Variants in ARID5B observed in about 807,000 individuals in gnomAD.
The protein encoded by ARID5B is AT-rich interactive domain-containing protein 5B.
In ARID5B, 13 loss-of-function variants were observed where a neutral mutation model predicts 97.2. The ratio of observed to expected loss-of-function variants is 0.13; its 90% CI spans 0.09 to 0.21. The LOEUF is 0.21. Among genes scored for constraint, ARID5B ranks in the 10% least tolerant of loss-of-function variants. The pLI is 1.00. For missense variants in ARID5B, 1,210 were observed against 1,465.3 expected, an observed-to-expected ratio of 0.83 and a Z score of 2.84; for synonymous variants, 556 against 570.3, an observed-to-expected ratio of 0.97 and a Z score of 0.36.
chr10:62,026,154 A>C (rs1226736641), intron 4 of ARID5B, among the ~76,000 whole-genome samples: 1 of 152,234 alleles, frequency 6.6e-6, no homozygotes, highest in Non-Finnish European at 1.5e-5. Context: ...ACTTATACCC[A>C]AGCCTTGTTG....
In ARID5B at chr10:62,037,394, A is replaced by G. The variant is rs544690583; in HGVS notation, c.734-13494A>G. On this transcript the variant is annotated intron_variant, in intron 4 of 9. Coordinates refer to ENST00000279873, the MANE Select transcript of ARID5B (RefSeq NM_032199.3). ...AATTCTAAATTTAATTCCAGCCTCT[A>G]TGAACATCTTAGTCCCATATTTCCT... 5.3e-5 allele frequency among the ~76,000 whole-genome samples: 8 copies of G among 152,326 alleles called. No homozygotes were observed. The South Asian group carries it at 1.7e-3, about 32-fold the overall frequency.
chr10:61,951,027 T>C (rs1838318348), intron 3 of ARID5B, among the ~76,000 whole-genome samples: 1 of 152,372 alleles, frequency 6.6e-6, no homozygotes, highest in African/African-American at 2.4e-5. Context: ...TTGTTTAATC[T>C]GTTAGAGTAC....
chr10:62,092,050 A>G lies in ARID5B; in HGVS notation c.2587A>G (p.Arg863Gly), dbSNP rs1840385217. ...TSKYPSRDMY[R>G]ESENSSFPSH... ...CAAATACCCTTCCAGGGACATGTAC[A>G]GGGAATCGGAAAACAGTTCTTTTCC... is the stretch of plus-strand genomic sequence containing the variant. Residue 863 changes from arginine (R) to glycine (G), a missense_variant, in exon 10 of 10, where the codon AGG becomes GGG. Transcript: ENST00000279873. The G allele has an allele frequency of 1.2e-6, 2 of 1,614,154 alleles. No individual in the cohort carries two copies. The highest frequency in any genetic ancestry group is 1.7e-6 in the Non-Finnish European group (2 of 1,180,016).
chr10:62,087,320 G>GAAAAAAA (rs1589292422), intron 9 of ARID5B, among the ~76,000 whole-genome samples: 13 of 75,992 alleles, frequency 1.7e-4, no homozygotes, highest in East Asian at 9.8e-4. Flanking sequence ...AAAAAAAAAG[G>GAAAAAAA]AAAAAAGATC....
At chr10:62,025,640 A>G (rs1189402100) in intron 4 of ARID5B, among the ~76,000 whole-genome samples, 1 of 152,190 alleles carries the variant, frequency 6.6e-6, no homozygotes, top group Non-Finnish European at 1.5e-5. Flanking sequence ...AAAGAGGTGT[A>G]ATTAGAAAAA....
At chr10:62,052,938 G>A (rs1298584617) in intron 5 of ARID5B, among the ~76,000 whole-genome samples, 1 of 152,218 alleles carries the variant, frequency 6.6e-6, no homozygotes, top group Non-Finnish European at 1.5e-5. Context: ...TTACAGTCAT[G>A]CCTTGGCTGC....
chr10:62,062,971 TTTA>T (rs1839941413), intron 7 of ARID5B, among the ~76,000 whole-genome samples: 2 of 152,112 alleles, frequency 1.3e-5, no homozygotes, highest in African/African-American at 2.4e-5. Context: ...CTGAAAGAGA[TTTA>T]TAAATGATTA....
intron 3 of ARID5B, among the ~76,000 whole-genome samples, chr10:61,960,017 C>G (rs1235911630): frequency 6.6e-6 from 1 of 152,196 alleles, no homozygotes; most frequent in Non-Finnish European, 1.5e-5. Flanking sequence ...TTTAAGAACA[C>G]AGAACCATTA....
At chr10:62,021,054 A>ATATATATATATATG (rs1839350750) in intron 4 of ARID5B, among the ~76,000 whole-genome samples, 1 of 133,034 alleles carries the variant, frequency 7.5e-6, no homozygotes, top group Non-Finnish European at 1.5e-5. Flanking sequence ...ATATATATAT[A>ATATATATATATATG]TATATATATA....
At chr10:62,028,724 G>T (rs1839454481) in intron 4 of ARID5B, among the ~76,000 whole-genome samples, 1 of 152,194 alleles carries the variant, frequency 6.6e-6, no homozygotes, top group African/African-American at 2.4e-5. Context: ...ACTTTGGGAG[G>T]ACGAGGCGGA....
At position 62,035,739 on chromosome 10, in the gene ARID5B, G is replaced by A. The variant is rs960959290; in HGVS notation, c.734-15149G>A. ...TGTGAGCCACCACGACCAACCCAAA[G>A]CATACTTTGTACAGGTATTGACAAG... On this transcript the variant is annotated intron_variant, in intron 4 of 9. Transcript: ENST00000279873. 3.9e-5 allele frequency among the ~76,000 whole-genome samples: 6 copies of A among 151,928 alleles called. No homozygotes were observed. The East Asian group carries it at 9.7e-4, about 25-fold the overall frequency.
rs150555366 is a variant in ARID5B, at chr10:62,014,729, C to T, written c.733+14408C>T. ...CCGGTTTTTGCACTTTTTTGGATCTCAGGTCCCTTTGAGAATCAGATGAAA... is the reference window on the plus strand; with the variant it reads ...CCGGTTTTTGCACTTTTTTGGATCTTAGGTCCCTTTGAGAATCAGATGAAA... On this transcript the variant is annotated intron_variant, in intron 4 of 9. Coordinates refer to ENST00000279873, the MANE Select transcript of ARID5B (RefSeq NM_032199.3). Among the ~76,000 whole-genome samples, 947 of 152,220 alleles carry T rather than the reference C, an allele frequency of 6.2e-3. 7 individuals are homozygous for T. The highest frequency in any genetic ancestry group is 0.01 in the Non-Finnish European group (682 of 67,998).
At chr10:62,015,887 T>C (rs1839278450) in intron 4 of ARID5B, among the ~76,000 whole-genome samples, 1 of 152,160 alleles carries the variant, frequency 6.6e-6, no homozygotes, top group South Asian at 2.1e-4. Context: ...CCTCCCAAAG[T>C]GCTGGGATTA....
At chr10:61,962,958 G>A (rs185766568) in intron 3 of ARID5B, among the ~76,000 whole-genome samples, 1 of 152,272 alleles carries the variant, frequency 6.6e-6, no homozygotes, top group Admixed American at 6.5e-5. Flanking sequence ...AGAAACTTAA[G>A]AAATATTTAG....
In ARID5B at chr10:61,963,864, T is replaced by C. The variant is rs1003096741; in HGVS notation, c.502+23456T>C. Reference sequence around the variant, plus strand: ...GGGAAGAAATGACCTGTGCCCCCAGTGTACCTACAGCCTTGGCATCATTAG... The same window carrying C: ...GGGAAGAAATGACCTGTGCCCCCAGCGTACCTACAGCCTTGGCATCATTAG... On this transcript the variant is annotated intron_variant, in intron 3 of 9. Transcript: ENST00000279873. Among the ~76,000 whole-genome samples, 11 of 152,106 alleles carry C rather than the reference T, an allele frequency of 7.2e-5. No individual in the cohort carries two copies. The East Asian group carries it at 9.7e-4, about 13-fold the overall frequency.
chr10:62,015,780 T>C (rs1424402303), intron 4 of ARID5B, among the ~76,000 whole-genome samples: 3 of 152,072 alleles, frequency 2.0e-5, no homozygotes, highest in African/African-American at 7.2e-5. Flanking sequence ...CCCACCACCA[T>C]ACCCAGCTAA....
chr10:61,906,192 G>C (rs1843704657), intron 2 of ARID5B, among the ~76,000 whole-genome samples: 1 of 151,920 alleles, frequency 6.6e-6, no homozygotes, highest in Non-Finnish European at 1.5e-5. Flanking sequence ...AGTGACCTTT[G>C]TTCTAGATAT....
chr10:61,947,261 C>CTTTTTTTTTTTTTTTTTTTTTTTTT (rs199587188), intron 3 of ARID5B, among the ~76,000 whole-genome samples: 4 of 124,266 alleles, frequency 3.2e-5, no homozygotes, highest in Non-Finnish European at 6.7e-5. Context: ...CACTTACTTT[C>CTTTTTTTTTTTTTTTTTTTTTTTTT]TTTTTTTTTT....
intron 5 of ARID5B, among the ~76,000 whole-genome samples, chr10:62,053,775 G>A (rs1326202466): frequency 6.6e-6 from 1 of 152,218 alleles, no homozygotes; most frequent in Admixed American, 6.5e-5. Flanking sequence ...GTGGTGGGAA[G>A]TGTGTTCATT....
Sources: gnomAD v4.1 joint callset for allele counts (sites outside exome capture counted in the v4.1 genomes callset) on GRCh38, gnomAD v4.1.1 for gene constraint, MANE v1.5 for transcripts, NCBI Gene and HGNC (gene_info 2026-07-23, HGNC 2026-07-21) for gene names.